TM9SF3: variants seen among roughly 807,000 people sequenced by gnomAD.
The protein encoded by TM9SF3 is SM-11044-binding protein.
Under a neutral mutation model 78.6 loss-of-function variants are expected in TM9SF3, and 14 were observed. The ratio of observed to expected loss-of-function variants is 0.18; its 90% confidence interval spans 0.12 to 0.28. The LOEUF (loss-of-function observed/expected upper bound fraction) is 0.28, where lower values mean the gene tolerates loss of function less well. Ranked by LOEUF, TM9SF3 falls within the 10% of genes least tolerant of loss-of-function variation. The pLI is 1.00. For missense variants in TM9SF3, 496 were observed against 721.9 expected (o/e 0.69, Z 3.59); for synonymous variants, 231 against 241.7 (o/e 0.96, Z 0.41).
chr10:96,544,628 C>T (rs969613175), intron 8 of TM9SF3, among the ~76,000 whole-genome samples: 1 of 152,052 alleles, frequency 6.6e-6, no homozygotes, highest in African/African-American at 2.4e-5. Context: ...AAGAAAAATC[C>T]CAGGTGCCCT....
intron 1 of TM9SF3, among the ~76,000 whole-genome samples, chr10:96,580,361 G>A (rs1048689066): frequency 2.6e-5 from 4 of 152,046 alleles, no homozygotes; most frequent in African/African-American, 9.7e-5. Flanking sequence ...CGCCTCCCAG[G>A]TTCACGCCAT....
intron 5 of TM9SF3, among the ~76,000 whole-genome samples, chr10:96,555,536 T>G (rs1848224811): frequency 6.6e-6 from 1 of 152,236 alleles, no homozygotes; most frequent in African/African-American, 2.4e-5. Context: ...GCTAACGTGC[T>G]GAATATGTGC....
At chr10:96,523,332 G>T (rs1847800912) in intron 14 of TM9SF3, among the ~76,000 whole-genome samples, 1 of 151,824 alleles carries the variant, frequency 6.6e-6, no homozygotes, top group South Asian at 2.1e-4. Context: ...ATCCTTGAAC[G>T]AATCTTTTAG....
At chr10:96,553,579 T>G (rs977899224) in intron 5 of TM9SF3, among the ~76,000 whole-genome samples, 11 of 151,026 alleles carry the variant, frequency 7.3e-5, no homozygotes, top group African/African-American at 2.7e-4. Flanking sequence ...CTTAAAATAC[T>G]AAGACTAAAC....
chr10:96,585,044 T>C (rs1670276203), intron 1 of TM9SF3, among the ~76,000 whole-genome samples: 1 of 152,224 alleles, frequency 6.6e-6, no homozygotes, highest in South Asian at 2.1e-4. Context: ...AATTACACTT[T>C]TAATTTGTAA....
chr10:96,576,966 T>C (rs532206855), intron 1 of TM9SF3, 137 bp from the exon 2 acceptor site: 1 of 601,820 alleles, frequency 1.7e-6, no homozygotes, highest in South Asian at 3.7e-5. Flanking sequence ...GGAAGCTTAA[T>C]CTGATGATGA....
rs1328802300 is a variant in TM9SF3 at position 96,540,805 on chromosome 10, C to G, written c.1185+3271G>C. ...TTTTTTTTTTTTTTTGAGATGGAGTCTCACTCTTGTTGCCCAGGCTGGAGT... is the reference window on the plus strand; with the variant it reads ...TTTTTTTTTTTTTTTGAGATGGAGTGTCACTCTTGTTGCCCAGGCTGGAGT... On this transcript the variant is annotated intron_variant, in intron 9 of 14. Transcript: ENST00000371142. Among the ~76,000 whole-genome samples the G allele has an allele frequency of 8.3e-5, 8 of 96,194 alleles. No homozygotes were observed. The South Asian group carries it at 2.5e-3, about 31-fold the overall frequency. The allele number at this position is 96,194 out of a possible 152,430, so 63.1% of individuals were successfully genotyped here. A position where few individuals can be genotyped will look rare whatever the true frequency, so the allele number is the denominator to read the frequency against.
At chr10:96,560,979 G>T in intron 4 of TM9SF3, 4 of 449,452 alleles carry the variant, frequency 8.9e-6, no homozygotes, top group South Asian at 7.4e-5. Flanking sequence ...GAAAAGAAAA[G>T]GAGAGACAAA....
At position 96,524,982 on chromosome 10, in the gene TM9SF3, T is replaced by C. The variant is rs1847821535; in HGVS notation, c.1702+2231A>G. 2.0e-5 allele frequency among the ~76,000 whole-genome samples: 3 copies of C among 152,062 alleles called. No homozygotes were observed. In the Middle Eastern group the frequency reaches 0.01, roughly 517 times the overall value. ...AAGGTTTTCAGGCAGCAAGATGAAA[T>C]TTCAGCAGGAAAAGCACTCAAAAAA... On this transcript the variant is annotated intron_variant, in intron 14 of 14. Transcript: ENST00000371142.
rs543812401 is a variant in TM9SF3, at chr10:96,564,869, T to C, written c.421+435A>G. Among the ~76,000 whole-genome samples the C allele has an allele frequency of 9.9e-5, 15 of 152,254 alleles. No individual in the cohort carries two copies. The South Asian group carries it at 2.7e-3, about 27-fold the overall frequency. The stretch of plus-strand genomic sequence containing the variant: ...TAAGGGCAAAAACATAAACATTTTT[T>C]AGCAAAATAAGCCATTCAAGAAACT... On this transcript the variant is annotated intron_variant, in intron 3 of 14. Transcript: ENST00000371142.
chr10:96,584,636 G>A (rs957439651), intron 1 of TM9SF3, among the ~76,000 whole-genome samples: 1 of 152,114 alleles, frequency 6.6e-6, no homozygotes, highest in Admixed American at 6.6e-5. Flanking sequence ...CCAACATGGC[G>A]AAATCCCCTT....
At chr10:96,556,572 T>C (rs1419504809) in intron 5 of TM9SF3, among the ~76,000 whole-genome samples, 3 of 152,112 alleles carry the variant, frequency 2.0e-5, no homozygotes, top group Non-Finnish European at 4.4e-5. Flanking sequence ...ATGCAGTATT[T>C]CTCTCCTTTT....
chr10:96,536,468 T>A (rs1847961836), intron 9 of TM9SF3, among the ~76,000 whole-genome samples: 1 of 152,230 alleles, frequency 6.6e-6, no homozygotes, highest in Non-Finnish European at 1.5e-5. Flanking sequence ...ACTAAAGTTT[T>A]TACTTTATTG....
chr10:96,532,482 A>G (rs1297153789), intron 10 of TM9SF3, among the ~76,000 whole-genome samples: 2 of 152,090 alleles, frequency 1.3e-5, no homozygotes, highest in Non-Finnish European at 2.9e-5. Context: ...GACTTTATAT[A>G]TATATATCTC....
intron 1 of TM9SF3, among the ~76,000 whole-genome samples, chr10:96,580,410 C>T (rs1442366389): frequency 6.6e-6 from 1 of 152,094 alleles, no homozygotes; most frequent in Admixed American, 6.5e-5. Flanking sequence ...GGACTACAGG[C>T]GCCCACCACC....
intron 1 of TM9SF3, among the ~76,000 whole-genome samples, chr10:96,581,206 TG>T (rs575438958): frequency 1.3e-5 from 2 of 152,088 alleles, no homozygotes; most frequent in African/African-American, 4.8e-5. Context: ...GTTTATGTGT[TG>T]GGGGGGTACC....
At chr10:96,578,070 A>C (rs2134160920) in intron 1 of TM9SF3, among the ~76,000 whole-genome samples, 1 of 152,308 alleles carries the variant, frequency 6.6e-6, no homozygotes, top group South Asian at 2.1e-4. Flanking sequence ...CACTCTAGGG[A>C]ACCCAAAAAC....
intron 5 of TM9SF3, among the ~76,000 whole-genome samples, chr10:96,556,880 T>C (rs1040353053): frequency 2.6e-5 from 4 of 152,294 alleles, no homozygotes; most frequent in Non-Finnish European, 4.4e-5. Flanking sequence ...AATCCAATAG[T>C]CACTTTTCAG....
intron 1 of TM9SF3, among the ~76,000 whole-genome samples, chr10:96,578,059 G>A (rs1424596011): frequency 6.6e-6 from 1 of 152,080 alleles, no homozygotes; most frequent in Non-Finnish European, 1.5e-5. Context: ...AAATCTCTCT[G>A]CACTCTAGGG....
Sources: gnomAD v4.1 joint callset for allele counts (sites outside exome capture counted in the v4.1 genomes callset) on GRCh38, gnomAD v4.1.1 for gene constraint, MANE v1.5 for transcripts, NCBI Gene and HGNC (gene_info 2026-07-23, HGNC 2026-07-21) for gene names.